The following ASTN2 variants were observed in gnomAD, a reference collection of about 807,000 sequenced individuals.
The protein encoded by ASTN2 is astrotactin-2.
ASTN2 carries 54 observed loss-of-function variants against 139.8 expected under a neutral mutation model. That is an observed-to-expected ratio of 0.39 (90% CI 0.31 to 0.48). The LOEUF (loss-of-function observed/expected upper bound fraction) is 0.48, where lower values mean the gene tolerates loss of function less well. Among genes scored for constraint, ASTN2 ranks in the 20% least tolerant of loss-of-function variants. ASTN2 has a pLI of 0.95. For synonymous variants in ASTN2, 756 were observed against 719.5 expected (o/e 1.05, Z -0.81); for missense variants, 1,565 against 1,725.1 (o/e 0.91, Z 1.64).
intron 1 of ASTN2, among the ~76,000 whole-genome samples, chr9:117,333,637 C>T (rs939916487): frequency 2.0e-5 from 3 of 152,092 alleles, no homozygotes; most frequent in South Asian, 4.1e-4. Flanking sequence ...TGGAAGCCAC[C>T]GATCTTGTCC....
intron 1 of ASTN2, among the ~76,000 whole-genome samples, chr9:117,317,237 C>A (rs1394783874): frequency 1.3e-5 from 2 of 152,166 alleles, no homozygotes; most frequent in Admixed American, 6.5e-5. Flanking sequence ...TAGCTTTGCA[C>A]TTCCTGAAGG....
intron 11 of ASTN2, among the ~76,000 whole-genome samples, chr9:116,849,164 C>T (rs528558046): frequency 6.6e-6 from 1 of 152,302 alleles, no homozygotes; most frequent in South Asian, 2.1e-4. Context: ...CCTCCAGGAA[C>T]CCCCATGTGT....
intron 12 of ASTN2, among the ~76,000 whole-genome samples, chr9:116,809,535 G>A (rs913794841): frequency 6.6e-6 from 1 of 151,986 alleles, no homozygotes; most frequent in Non-Finnish European, 1.5e-5. Flanking sequence ...ATCAACACTA[G>A]TTTTCTATTT....
intron 19 of ASTN2, among the ~76,000 whole-genome samples, chr9:116,502,931 G>A (rs1849940424): frequency 7.3e-6 from 1 of 136,238 alleles, no homozygotes; most frequent in Non-Finnish European, 1.5e-5. Flanking sequence ...AGGGAAGAAA[G>A]ATGGAAGGAA....
At chr9:116,511,850 T>A (rs1361810171) in intron 19 of ASTN2, among the ~76,000 whole-genome samples, 2 of 152,172 alleles carry the variant, frequency 1.3e-5, no homozygotes, top group African/African-American at 4.8e-5. Context: ...GGTGGTGATA[T>A]CTCCTTTATC....
At chr9:116,892,923 T>C (rs991602805) in intron 10 of ASTN2, among the ~76,000 whole-genome samples, 2 of 152,194 alleles carry the variant, frequency 1.3e-5, no homozygotes, top group African/African-American at 2.4e-5. Flanking sequence ...ATTGCCTGCC[T>C]GAAATTCAAA....
chr9:116,500,008 A>G (rs1407745174), intron 19 of ASTN2, among the ~76,000 whole-genome samples: 1 of 151,900 alleles, frequency 6.6e-6, no homozygotes, highest in East Asian at 1.9e-4. Flanking sequence ...ATATTTCTCT[A>G]TCACTTTATC....
At chr9:117,060,323 AAAG>A in intron 5 of ASTN2, among the ~76,000 whole-genome samples, 1 of 90,108 alleles carries the variant, frequency 1.1e-5, no homozygotes, top group Admixed American at 1.2e-4. Flanking sequence ...AAGAAAAAAG[AAAG>A]AAAGAAAGAA....
At chr9:116,504,895 C>CAAAAAAA (rs386416022) in intron 19 of ASTN2, among the ~76,000 whole-genome samples, 14 of 91,726 alleles carry the variant, frequency 1.5e-4, no homozygotes, top group African/African-American at 6.1e-4. Flanking sequence ...AATCCTGTCT[C>CAAAAAAA]AAAAAAAAAA....
chr9:117,265,888 G>C (rs2133116221), intron 2 of ASTN2, among the ~76,000 whole-genome samples: 1 of 152,000 alleles, frequency 6.6e-6, no homozygotes, highest in Middle Eastern at 3.4e-3. Flanking sequence ...ATAAAGAATA[G>C]TTTATAAAGC....
intron 3 of ASTN2, among the ~76,000 whole-genome samples, chr9:117,148,698 C>A (rs1308617632): frequency 6.6e-6 from 1 of 152,170 alleles, no homozygotes; most frequent in African/African-American, 2.4e-5. Flanking sequence ...AGGTATTTGG[C>A]CAAACATTAT....
At chr9:117,094,438 C>T (rs1331465940) in intron 5 of ASTN2, among the ~76,000 whole-genome samples, 1 of 152,070 alleles carries the variant, frequency 6.6e-6, no homozygotes, top group African/African-American at 2.4e-5. Flanking sequence ...CTGAGGGGAC[C>T]CATTGACTTC....
chr9:117,140,940 C>T (rs753277750), intron 4 of ASTN2, among the ~76,000 whole-genome samples: 3 of 152,158 alleles, frequency 2.0e-5, no homozygotes, highest in Non-Finnish European at 2.9e-5. Flanking sequence ...TAGGCGCAGA[C>T]CCCTGTTTCT....
At chr9:117,296,811 T>G (rs893389548) in intron 1 of ASTN2, among the ~76,000 whole-genome samples, 7 of 152,314 alleles carry the variant, frequency 4.6e-5, no homozygotes, top group Admixed American at 3.3e-4. Flanking sequence ...GGGATTGCCT[T>G]TTCACCTTTT....
intron 2 of ASTN2, among the ~76,000 whole-genome samples, chr9:117,276,460 T>C (rs1834191674): frequency 1.3e-5 from 2 of 152,178 alleles, no homozygotes; most frequent in Admixed American, 1.3e-4. Flanking sequence ...CCAGACAGCC[T>C]CTGGTGACTT....
chr9:116,625,706 T>C (rs1335234102), intron 17 of ASTN2, among the ~76,000 whole-genome samples: 1 of 152,174 alleles, frequency 6.6e-6, no homozygotes, highest in Non-Finnish European at 1.5e-5. Flanking sequence ...CTCTCTGTGA[T>C]CTAGCACATG....
At chr9:116,499,959 C>T (rs1321293407) in intron 19 of ASTN2, among the ~76,000 whole-genome samples, 1 of 152,138 alleles carries the variant, frequency 6.6e-6, no homozygotes, top group Non-Finnish European at 1.5e-5. Flanking sequence ...TTACCTGATT[C>T]AGTCTTGCAA....
chr9:117,380,612 A>T (rs1188494290), intron 1 of ASTN2, among the ~76,000 whole-genome samples: 3 of 151,998 alleles, frequency 2.0e-5, no homozygotes, highest in Non-Finnish European at 4.4e-5. Context: ...AAAAAAAAAA[A>T]AAAGATAACC....
At chr9:116,609,641 G>A (rs1389871770) in intron 19 of ASTN2, among the ~76,000 whole-genome samples, 1 of 151,566 alleles carries the variant, frequency 6.6e-6, no homozygotes, top group African/African-American at 2.4e-5. Context: ...ATGAAAACAT[G>A]AATGATACTC....
Sources: gnomAD v4.1 joint callset for allele counts (sites outside exome capture counted in the v4.1 genomes callset) on GRCh38, gnomAD v4.1.1 for gene constraint, MANE v1.5 for transcripts, NCBI Gene and HGNC (gene_info 2026-07-23, HGNC 2026-07-21) for gene names.